The following GAB2 variants were observed in gnomAD, a reference collection of about 807,000 sequenced individuals.
GAB2 encodes GRB2-associated-binding protein 2.
Under a neutral mutation model 65.5 loss-of-function variants are expected in GAB2, and 26 were observed. The ratio of observed to expected loss-of-function variants is 0.40; its 90% CI spans 0.29 to 0.55. The LOEUF is 0.55. GAB2 is among the 20% of genes least tolerant of loss of function. GAB2 has a pLI of 0.53. For missense variants in GAB2, 884 were observed against 875.8 expected, an observed-to-expected ratio of 1.01 and a Z score of -0.12; for synonymous variants, 321 against 329.6, an observed-to-expected ratio of 0.97 and a Z score of 0.28.
intron 1 of GAB2, chr11:78,318,189 TGAG>T (rs1359935543): frequency 6.6e-6 from 1 of 151,194 alleles, no homozygotes; most frequent in Non-Finnish European, 1.5e-5. Context: ...GACTTCTTTT[TGAG>T]GAGGGAGATG....
Position 78,280,691 on chromosome 11 carries a change from A to T in GAB2, c.286T>A (p.Tyr96Asn), listed in dbSNP as rs1410619126. Residue 96 changes from tyrosine (Y) to asparagine (N), a missense_variant, in exon 2 of 10, where the codon TAC becomes AAC. Transcript: ENST00000361507. ...FDIKTSERTF[Y>N]LVAETEEDMN... is the part of the protein sequence containing the mutation. The stretch of plus-strand genomic sequence containing the variant: ...TCCTCTTCTGTCTCAGCCACCAGGT[A>T]AAAGGTGCGTTCACTGGTCTTGATG... 3 of 1,613,870 alleles carry T rather than the reference A, an allele frequency of 1.9e-6. No homozygotes were observed. The highest frequency in any genetic ancestry group is 2.5e-6 in the Non-Finnish European group (3 of 1,179,852).
intron 1 of GAB2, among the ~76,000 whole-genome samples, chr11:78,337,303 C>G (rs1346668470): frequency 6.6e-6 from 1 of 152,104 alleles, no homozygotes; most frequent in Non-Finnish European, 1.5e-5. Flanking sequence ...AAGGACAGGG[C>G]AAAAGGCAAT....
At position 78,379,680 on chromosome 11, in the gene GAB2, A is replaced by G. The variant is rs182775891; in HGVS notation, c.75+37966T>C. Among the ~76,000 whole-genome samples the G allele has an allele frequency of 6.6e-5, 10 of 152,368 alleles. No individual in the cohort carries two copies. The East Asian group carries it at 1.9e-3, about 29-fold the overall frequency. On this transcript the variant is annotated intron_variant, in intron 1 of 9. Transcript: ENST00000361507. ...TGAGAGTGTCTTACAGTTAAGCTGC[A>G]GTCAGGACACAGCTGTCATTGCCTG...
At position 78,226,551 on chromosome 11, in the gene GAB2, G is replaced by A; in HGVS notation, c.1121C>T (p.Pro374Leu). The A allele has an allele frequency of 1.9e-6, 3 of 1,613,238 alleles. No homozygotes were observed. The highest frequency in any genetic ancestry group is 2.5e-6 in the Non-Finnish European group (3 of 1,179,826). ...GACAGATCTGCTATTTTCACTGATTGGCGGTCTCTGCTGAGGACTGCCCCA... is the reference window on the plus strand; with the variant it reads ...GACAGATCTGCTATTTTCACTGATTAGCGGTCTCTGCTGAGGACTGCCCCA... ...PRWGSPQQRP[P>L]ISENSRSVAA... The change falls in exon 4 of 10, where the codon CCA (proline) becomes CTA (leucine). Residue 374 changes from proline (P) to leucine (L), a missense_variant. By Grantham distance (98) the Pro-to-Leu change is moderately conservative (BLOSUM62 -3). Coordinates refer to ENST00000361507, the MANE Select transcript of GAB2 (RefSeq NM_080491.3).
At chr11:78,367,711 G>A (rs1334284836) in intron 1 of GAB2, among the ~76,000 whole-genome samples, 1 of 152,140 alleles carries the variant, frequency 6.6e-6, no homozygotes, top group Non-Finnish European at 1.5e-5. Flanking sequence ...GTGCTACTGG[G>A]CTGCAGGCAG....
At chr11:78,322,516 G>A (rs576915431) in intron 1 of GAB2, among the ~76,000 whole-genome samples, 130 of 151,798 alleles carry the variant, frequency 8.6e-4, no homozygotes, top group African/African-American at 3.1e-3. Context: ...AGAGTAAAGA[G>A]ACAACCTACA....
At chr11:78,286,540 G>A (rs563680778) in intron 1 of GAB2, among the ~76,000 whole-genome samples, 1 of 152,090 alleles carries the variant, frequency 6.6e-6, no homozygotes, top group East Asian at 1.9e-4. Flanking sequence ...AAAACTACAT[G>A]GCAGAGTGCT....
chr11:78,239,204 A>C (rs1303364391), intron 3 of GAB2, among the ~76,000 whole-genome samples: 1 of 152,006 alleles, frequency 6.6e-6, no homozygotes, highest in Non-Finnish European at 1.5e-5. Flanking sequence ...ACTACATTTT[A>C]AATTTTAATT....
chr11:78,319,309 T>C (rs1047688557), intron 1 of GAB2, among the ~76,000 whole-genome samples: 10 of 152,236 alleles, frequency 6.6e-5, no homozygotes, highest in Non-Finnish European at 8.8e-5. Context: ...GTTAGTATTA[T>C]GTGTTTGGAA....
At chr11:78,316,533 A>G (rs1023885235) in intron 1 of GAB2, among the ~76,000 whole-genome samples, 2 of 152,244 alleles carry the variant, frequency 1.3e-5, no homozygotes, top group Non-Finnish European at 2.9e-5. Context: ...ACCAAGAAGC[A>G]CATGAAAAGA....
At chr11:78,404,175 C>T (rs1288053156) in intron 1 of GAB2, among the ~76,000 whole-genome samples, 1 of 152,118 alleles carries the variant, frequency 6.6e-6, no homozygotes, top group Non-Finnish European at 1.5e-5. Flanking sequence ...TTATAGTAGC[C>T]AACATGCAGA....
chr11:78,297,483 G>GT (rs1230185876), intron 1 of GAB2, among the ~76,000 whole-genome samples: 1 of 152,094 alleles, frequency 6.6e-6, no homozygotes, highest in Non-Finnish European at 1.5e-5. Flanking sequence ...GAGGGAGTGT[G>GT]TGTGTTTTGA....
At chr11:78,265,203 C>CAT (rs10530509) in intron 2 of GAB2, among the ~76,000 whole-genome samples, 6,462 of 144,844 alleles carry the variant, frequency 0.045, 418 homozygotes, top group African/African-American at 0.14. Flanking sequence ...TTCTATACCA[C>CAT]ATATATATAT....
At chr11:78,275,435 TA>T (rs150524849) in intron 2 of GAB2, among the ~76,000 whole-genome samples, 9 of 148,910 alleles carry the variant, frequency 6.0e-5, no homozygotes, top group Middle Eastern at 3.4e-3. Flanking sequence ...AATTCTCAGT[TA>T]AAAAAAAAAC....
intron 1 of GAB2, among the ~76,000 whole-genome samples, chr11:78,373,326 G>A (rs915811405): frequency 6.8e-6 from 1 of 147,864 alleles, no homozygotes; most frequent in Admixed American, 6.9e-5. Flanking sequence ...TGCAACCTCC[G>A]CCTCAGGGTT....
chr11:78,296,609 C>A (rs1200114827), intron 1 of GAB2, among the ~76,000 whole-genome samples: 5 of 152,104 alleles, frequency 3.3e-5, no homozygotes, highest in Non-Finnish European at 7.3e-5. Flanking sequence ...ACAAAGAAGA[C>A]ACTTGTTTAC....
chr11:78,226,897 T>C lies in GAB2; in HGVS notation c.775A>G (p.Thr259Ala). 6.2e-7 allele frequency: 1 copy of C among 1,614,026 alleles called. No homozygotes were observed. Among genetic ancestry groups the C allele is most frequent in the African/African-American group, 1.3e-5 (1 of 75,018 alleles). The change falls in exon 4 of 10, where the codon ACA becomes GCA. Residue 259 changes from threonine to alanine, a missense_variant. Coordinates refer to ENST00000361507, the MANE Select transcript of GAB2 (RefSeq NM_080491.3). The stretch of plus-strand genomic sequence containing the variant: ...TCGTAGGTACTGTCTCTGAATTCTG[T>C]ATTGTGCCGGCTCGGCTTGGGAAGG... ...YSLPKPSRHN[T>A]EFRDSTYDLP...
chr11:78,394,522 AAAAAG>A (rs3054218), intron 1 of GAB2, among the ~76,000 whole-genome samples: 3,230 of 152,320 alleles, frequency 0.021, 77 homozygotes, highest in Admixed American at 0.075. Flanking sequence ...CCAAAAAAGA[AAAAAG>A]AAAAGAAAAG....
At chr11:78,329,734 C>CA (rs1468065762) in intron 1 of GAB2, among the ~76,000 whole-genome samples, 1 of 152,024 alleles carries the variant, frequency 6.6e-6, no homozygotes, top group Non-Finnish European at 1.5e-5. Flanking sequence ...ACTAGAAACA[C>CA]AGAGATCTGT....
Sources: gnomAD v4.1 joint callset for allele counts (sites outside exome capture counted in the v4.1 genomes callset) on GRCh38, gnomAD v4.1.1 for gene constraint, MANE v1.5 for transcripts, NCBI Gene and HGNC (gene_info 2026-07-23, HGNC 2026-07-21) for gene names.